Variants in CDH13 observed in about 807,000 individuals in gnomAD.
The protein encoded by CDH13 is cadherin-13.
A neutral mutation model predicts 63.8 loss-of-function variants in CDH13; 24 were observed. That is an observed-to-expected ratio of 0.38 (90% confidence interval 0.27 to 0.53). CDH13 has a LOEUF of 0.53. Ranked by LOEUF, CDH13 falls within the 20% of genes least tolerant of loss-of-function variation. The pLI, the probability that CDH13 is intolerant of heterozygous loss-of-function variation, is 0.85. For missense variants in CDH13, 1,049 were observed against 903.1 expected, an observed-to-expected ratio of 1.16 and a Z score of -2.07; for synonymous variants, 503 against 355.3, an observed-to-expected ratio of 1.42 and a Z score of -4.67.
At chr16:83,773,430 G>C (rs1914888043) in intron 11 of CDH13, among the ~76,000 whole-genome samples, 4 of 152,124 alleles carry the variant, frequency 2.6e-5, no homozygotes, top group Admixed American at 2.6e-4. Context: ...AAGGCAAATG[G>C]GAAGCAAGGA....
At chr16:83,485,058 A>C (rs2073855475) in intron 6 of CDH13, among the ~76,000 whole-genome samples, 1 of 152,204 alleles carries the variant, frequency 6.6e-6, no homozygotes, top group Non-Finnish European at 1.5e-5. Context: ...ATATATCTTG[A>C]AGAGTTTCCC....
At chr16:82,638,395 C>T (rs756821816) in intron 1 of CDH13, among the ~76,000 whole-genome samples, 1 of 152,328 alleles carries the variant, frequency 6.6e-6, no homozygotes, top group Non-Finnish European at 1.5e-5. Flanking sequence ...CTTCATTTCC[C>T]TCCTTTTCTG....
At chr16:83,710,421 A>G (rs1478073057) in intron 10 of CDH13, 1 of 152,230 alleles carries the variant, frequency 6.6e-6, no homozygotes, top group Non-Finnish European at 1.5e-5. Flanking sequence ...AGCTAAGAGC[A>G]TCTCAAAGTT....
chr16:83,569,522 G>A (rs1190627435), intron 7 of CDH13, among the ~76,000 whole-genome samples: 1 of 152,110 alleles, frequency 6.6e-6, no homozygotes, highest in African/African-American at 2.4e-5. Flanking sequence ...AATACATCTA[G>A]TAAAAATACA....
intron 6 of CDH13, among the ~76,000 whole-genome samples, chr16:83,352,885 G>A (rs34544863): frequency 0.045 from 6,878 of 152,234 alleles, 165 homozygotes; most frequent in Non-Finnish European, 0.055. Context: ...GCGAGACTCC[G>A]TCTCAAAAAA....
chr16:83,653,718 C>A (rs1185082909), intron 8 of CDH13, among the ~76,000 whole-genome samples: 2 of 152,150 alleles, frequency 1.3e-5, no homozygotes, highest in African/African-American at 4.8e-5. Flanking sequence ...TTCTCTTACC[C>A]TGCTTTATTT....
At chr16:82,641,142 C>T (rs111807478) in intron 1 of CDH13, among the ~76,000 whole-genome samples, 28 of 152,152 alleles carry the variant, frequency 1.8e-4, no homozygotes, top group African/African-American at 6.8e-4. Flanking sequence ...CTGTGTAAAG[C>T]TCATTTCCGA....
At chr16:83,765,681 T>A (rs1914330447) in intron 11 of CDH13, among the ~76,000 whole-genome samples, 1 of 152,190 alleles carries the variant, frequency 6.6e-6, no homozygotes, top group African/African-American at 2.4e-5. Flanking sequence ...TAGAGCTGAT[T>A]TGTAAAATAC....
At chr16:83,319,971 G>C (rs1461985886) in intron 5 of CDH13, among the ~76,000 whole-genome samples, 3 of 152,194 alleles carry the variant, frequency 2.0e-5, no homozygotes, top group Non-Finnish European at 2.9e-5. Flanking sequence ...GAGGTTCTAA[G>C]TAATTCTAGG....
chr16:83,324,356 T>C (rs1198241249), intron 5 of CDH13, among the ~76,000 whole-genome samples: 1 of 152,184 alleles, frequency 6.6e-6, no homozygotes, highest in Non-Finnish European at 1.5e-5. Flanking sequence ...TTTTAGAACA[T>C]TGTCTTCACC....
intron 3 of CDH13, among the ~76,000 whole-genome samples, chr16:83,039,778 G>C (rs1255621887): frequency 6.6e-6 from 1 of 152,010 alleles, no homozygotes; most frequent in African/African-American, 2.4e-5. Context: ...ATCACTTGTG[G>C]TTTCTTGAAT....
At chr16:83,646,712 A>AAAAAACAAACACACAC (rs1168012793) in intron 8 of CDH13, among the ~76,000 whole-genome samples, 1 of 80,490 alleles carries the variant, frequency 1.2e-5, no homozygotes, top group Admixed American at 1.7e-4. Context: ...AAAAAAAAAA[A>AAAAAACAAACACACAC]ACACACACAC....
In CDH13 at chr16:83,379,835, A is replaced by G. The variant is rs1041706516; in HGVS notation, c.781+34829A>G. ...ACTGCCATTCAAAGGAATGAACGAA[A>G]TATTATATAAATATATAACCCAATA... On this transcript the variant is annotated intron_variant, in intron 6 of 13. Transcript: ENST00000567109. Among the ~76,000 whole-genome samples the G allele has an allele frequency of 5.3e-5, 8 of 151,714 alleles. No individual in the cohort carries two copies. In the East Asian group the frequency reaches 1.5e-3, roughly 29 times the overall value.
At chr16:83,594,204 A>G (rs1907042172) in intron 7 of CDH13, among the ~76,000 whole-genome samples, 1 of 152,200 alleles carries the variant, frequency 6.6e-6, no homozygotes, top group African/African-American at 2.4e-5. Context: ...TCTTCGAAAG[A>G]CTTCCCAAAA....
intron 5 of CDH13, among the ~76,000 whole-genome samples, chr16:83,308,190 C>T (rs772708683): frequency 4.6e-5 from 7 of 152,154 alleles, no homozygotes; most frequent in Non-Finnish European, 8.8e-5. Context: ...AGAAAACCTC[C>T]AGCTTTTATA....
At chr16:82,895,581 G>T (rs558419524) in intron 2 of CDH13, among the ~76,000 whole-genome samples, 1 of 152,106 alleles carries the variant, frequency 6.6e-6, no homozygotes. Flanking sequence ...ATTATGCGCT[G>T]TATGGGTTGG....
chr16:83,305,674 T>C (rs1402369884), intron 5 of CDH13, among the ~76,000 whole-genome samples: 2 of 152,188 alleles, frequency 1.3e-5, no homozygotes, highest in Non-Finnish European at 2.9e-5. Flanking sequence ...AGTTTGTATC[T>C]TAGTGCTGCC....
chr16:83,783,800 C>G (rs1395666725), intron 13 of CDH13, among the ~76,000 whole-genome samples: 1 of 152,174 alleles, frequency 6.6e-6, no homozygotes, highest in Non-Finnish European at 1.5e-5. Flanking sequence ...GTTAACTAGT[C>G]TATCAGAGGC....
At chr16:83,285,660 T>G (rs546471959) in intron 5 of CDH13, among the ~76,000 whole-genome samples, 2 of 152,284 alleles carry the variant, frequency 1.3e-5, no homozygotes, top group East Asian at 3.9e-4. Context: ...GTTCATAGGT[T>G]GCATGCCGAT....
Sources: gnomAD v4.1 joint callset for allele counts (sites outside exome capture counted in the v4.1 genomes callset) on GRCh38, gnomAD v4.1.1 for gene constraint, MANE v1.5 for transcripts, NCBI Gene and HGNC (gene_info 2026-07-23, HGNC 2026-07-21) for gene names.